NCK1: variants seen among roughly 807,000 people sequenced by gnomAD.
NCK1 encodes the protein NCK adaptor protein 1.
Under a neutral mutation model 36.6 loss-of-function variants are expected in NCK1, and 19 were observed. The observed-to-expected ratio is 0.52, with a 90% CI of 0.36 to 0.76. The LOEUF (loss-of-function observed/expected upper bound fraction) is 0.76, where lower values mean the gene tolerates loss of function less well. Ranked by LOEUF, NCK1 falls within the 30% of genes least tolerant of loss-of-function variation. The probability of loss-of-function intolerance (pLI) is 0.00; values close to 1 mark genes in which losing one functional copy is unlikely to be tolerated. For synonymous variants in NCK1, 165 were observed against 156.0 expected, an observed-to-expected ratio of 1.06 and a Z score of -0.43; for missense variants, 358 against 445.6, an observed-to-expected ratio of 0.80 and a Z score of 1.77.
At chr3:136,932,448 A>G (rs1940416626) in intron 2 of NCK1, among the ~76,000 whole-genome samples, 1 of 152,214 alleles carries the variant, frequency 6.6e-6, no homozygotes, top group Non-Finnish European at 1.5e-5. Flanking sequence ...ATCTTTGAAA[A>G]CAAAAATTGT....
intron 1 of NCK1, among the ~76,000 whole-genome samples, chr3:136,888,919 G>A (rs1296016196): frequency 6.6e-6 from 1 of 151,508 alleles, no homozygotes; most frequent in African/African-American, 2.4e-5. Flanking sequence ...TGCTTGGACT[G>A]TAGTGCAGTG....
At chr3:136,930,348 T>C in intron 2 of NCK1, 1 of 792,860 alleles carries the variant, frequency 1.3e-6, no homozygotes, top group Non-Finnish European at 1.7e-6. Context: ...TGGCCATGAT[T>C]ATTTACTTGT....
intron 2 of NCK1, among the ~76,000 whole-genome samples, chr3:136,935,640 G>A (rs939871920): frequency 2.0e-5 from 3 of 152,202 alleles, no homozygotes; most frequent in Non-Finnish European, 1.5e-5. Context: ...TGACCATAGT[G>A]AGAAGGGAAA....
At position 136,948,622 on chromosome 3, in the gene NCK1, T is replaced by C; in HGVS notation, c.*169T>C. On this transcript the variant is annotated 3_prime_UTR_variant, in exon 4 of 4. Coordinates refer to ENST00000481752, the MANE Select transcript of NCK1 (RefSeq NM_001291999.2). ...ACTCAGCCCATACATATATACTATG[T>C]ATGCAGTGCATCTGCATAGAACAGT... The C allele has an allele frequency of 3.6e-6, 2 of 556,766 alleles. No individual in the cohort carries two copies. Among genetic ancestry groups the C allele is most frequent in the Non-Finnish European group, 3.2e-6 (1 of 315,784 alleles). 34.5% of individuals were successfully genotyped at this position (556,766 alleles called of 1,614,324 possible). A position where few individuals can be genotyped will look rare whatever the true frequency, so the allele number is the denominator to read the frequency against.
At chr3:136,945,285 A>G (rs571534376) in intron 2 of NCK1, among the ~76,000 whole-genome samples, 75 of 152,260 alleles carry the variant, frequency 4.9e-4, no homozygotes, top group African/African-American at 1.7e-3. Context: ...TTAAGAGGGA[A>G]TTCATTAATT....
intron 1 of NCK1, among the ~76,000 whole-genome samples, chr3:136,922,246 G>T (rs938817487): frequency 2.0e-5 from 3 of 152,196 alleles, no homozygotes; most frequent in Non-Finnish European, 4.4e-5. Context: ...CCAGGGACTG[G>T]GAACAAAAGT....
chr3:136,920,606 A>C (rs1178565730), intron 1 of NCK1, among the ~76,000 whole-genome samples: 1 of 152,146 alleles, frequency 6.6e-6, no homozygotes, highest in Non-Finnish European at 1.5e-5. Context: ...ATTACTTATT[A>C]CCCCTCTGAA....
intron 2 of NCK1, among the ~76,000 whole-genome samples, chr3:136,932,864 G>GA (rs1434853572): frequency 9.2e-5 from 14 of 152,216 alleles, no homozygotes; most frequent in African/African-American, 3.1e-4. Flanking sequence ...AGAAGAAACA[G>GA]AAAAACTTTC....
intron 1 of NCK1, among the ~76,000 whole-genome samples, chr3:136,921,092 C>A (rs895888330): frequency 1.3e-5 from 2 of 152,134 alleles, no homozygotes; most frequent in African/African-American, 4.8e-5. Context: ...ACTCCTCTTC[C>A]TGGTTCACCT....
chr3:136,944,144 G>C (rs1423054627), intron 2 of NCK1, among the ~76,000 whole-genome samples: 2 of 66,342 alleles, frequency 3.0e-5, no homozygotes, highest in Non-Finnish European at 5.3e-5. Flanking sequence ...TTTTGAGACA[G>C]AGTCTTGCCC....
chr3:136,946,663 CTATTGGATGCAA>C (rs1940835564), intron 3 of NCK1, among the ~76,000 whole-genome samples: 1 of 79,172 alleles, frequency 1.3e-5, no homozygotes, highest in Non-Finnish European at 2.8e-5. Context: ...TAAAAAATTG[CTATTGGATGCAA>C]TGTGTAAGAA....
chr3:136,900,421 T>C (rs555865501), intron 1 of NCK1, among the ~76,000 whole-genome samples: 55 of 152,306 alleles, frequency 3.6e-4, no homozygotes, highest in African/African-American at 1.2e-3. Flanking sequence ...TCCTTTTTGG[T>C]TTCATATGAA....
intron 2 of NCK1, chr3:136,928,781 G>A (rs562177326): frequency 1.4e-5 from 2 of 145,412 alleles, no homozygotes; most frequent in South Asian, 4.5e-4. Context: ...TAGGGCCTGA[G>A]ACAGTGGAGC....
At chr3:136,875,011 G>A (rs906857270) in intron 1 of NCK1, among the ~76,000 whole-genome samples, 1 of 152,232 alleles carries the variant, frequency 6.6e-6, no homozygotes, top group Non-Finnish European at 1.5e-5. Context: ...ATTTCATAAG[G>A]TTGTAGCTTG....
chr3:136,879,713 A>C (rs2108076388), intron 1 of NCK1, among the ~76,000 whole-genome samples: 2 of 152,246 alleles, frequency 1.3e-5, no homozygotes, highest in South Asian at 4.1e-4. Context: ...CTTTGCAGGG[A>C]CATGGATGAA....
chr3:136,927,524 T>G (rs1940272992), intron 1 of NCK1, among the ~76,000 whole-genome samples: 1 of 152,128 alleles, frequency 6.6e-6, no homozygotes, highest in East Asian at 1.9e-4. Context: ...CTTTATTGAT[T>G]GGTTGATTGA....
intron 2 of NCK1, among the ~76,000 whole-genome samples, chr3:136,939,208 TTG>T (rs1334818148): frequency 2.0e-5 from 3 of 152,174 alleles, no homozygotes; most frequent in Non-Finnish European, 4.4e-5. Flanking sequence ...CTTTGGTAGT[TTG>T]TGTGTTTCTT....
chr3:136,910,467 T>TA (rs1165099367), intron 1 of NCK1, among the ~76,000 whole-genome samples: 1 of 152,202 alleles, frequency 6.6e-6, no homozygotes, highest in African/African-American at 2.4e-5. Context: ...AAGTTATGTT[T>TA]AAAAAATTAC....
chr3:136,876,189 A>G (rs1348333675), intron 1 of NCK1, among the ~76,000 whole-genome samples: 5 of 151,964 alleles, frequency 3.3e-5, no homozygotes, highest in Admixed American at 6.6e-5. Context: ...TAAATGCCCA[A>G]AAGAGAAAGC....
Sources: allele counts gnomAD v4.1 joint callset (sites outside exome capture counted in the v4.1 genomes callset), GRCh38; gene constraint gnomAD v4.1.1; transcripts MANE v1.5; gene names NCBI Gene and HGNC (gene_info 2026-07-23, HGNC 2026-07-21).